Variants in MGAT1 observed in about 807,000 individuals in gnomAD.
MGAT1 encodes alpha-1,3-mannosyl-glycoprotein 2-beta-N-acetylglucosaminyltransferase.
Under a neutral mutation model 31.7 loss-of-function variants are expected in MGAT1, and 14 were observed. The observed-to-expected ratio is 0.44, with a 90% CI of 0.29 to 0.69. The LOEUF is 0.69. MGAT1 is among the 30% of genes least tolerant of loss of function. MGAT1 has a pLI of 0.12. For missense variants in MGAT1, 557 were observed against 626.0 expected (o/e 0.89, Z 1.18); for synonymous variants, 338 against 276.0 (o/e 1.22, Z -2.23).
chr5:180,791,698 C>T lies in MGAT1; in HGVS notation c.1274G>A (p.Arg425Gln), dbSNP rs766483898. 32 of 1,613,774 alleles carry T rather than the reference C, an allele frequency of 2.0e-5. No homozygotes were observed. The highest frequency in any genetic ancestry group is 1.8e-4 in the East Asian group (8 of 44,870). The change falls in exon 2 of 2, where the codon CGG (arginine) becomes CAG (glutamine). Residue 425 changes from arginine to glutamine, a missense_variant. Arg to Gln is a conservative substitution (Grantham distance 43, BLOSUM62 1). Transcript: ENST00000307826. ...GGGCGCCAGGTGGACACGGCGGCCC[C>T]GGAACTGGAAGGTGACAATACCCCG... ...GYRGIVTFQF[R>Q]GRRVHLAPPL...
At chr5:180,806,296 G>C (rs1275126089), upstream of MGAT1, among the ~76,000 whole-genome samples, 3 of 152,066 alleles carry the variant, frequency 2.0e-5, no homozygotes, top group African/African-American at 7.2e-5. Flanking sequence ...AAAAAAAAAT[G>C]CACACACAGT....
At position 180,792,357 on chromosome 5, in the gene MGAT1, G is replaced by A. The variant is rs1463856117; in HGVS notation, c.615C>T (p.Ala205=). The change falls in exon 2 of 2, where the codon GCC becomes GCT. Residue 205 remains alanine, a synonymous_variant. Transcript: ENST00000307826. Reference sequence around the variant, plus strand: ...CCTCCAGGTCATCCTCCACCACCACGGCCGCGGGGAAGCGAAACTGCCGGA... The same window carrying A: ...CCTCCAGGTCATCCTCCACCACCACAGCCGCGGGGAAGCGAAACTGCCGGA... The part of the protein sequence containing the change: ...QVFRQFRFPA[A]VVVEDDLEVA... 1.2e-6 allele frequency: 2 copies of A among 1,611,088 alleles called. No homozygotes were observed. Among genetic ancestry groups the A allele is most frequent in the South Asian group, 1.1e-5 (1 of 91,002 alleles).
rs915683356 is a variant in MGAT1, at chr5:180,788,700, T to C, written c.*2934A>G. 6.9e-6 allele frequency: 1 copy of C among 145,368 alleles called. No individual in the cohort carries two copies. Among genetic ancestry groups the C allele is most frequent in the Non-Finnish European group, 1.5e-5 (1 of 65,984 alleles). 9.0% of individuals were successfully genotyped at this position (145,368 alleles called of 1,614,324 possible). A position where few individuals can be genotyped will look rare whatever the true frequency, so the allele number is the denominator to read the frequency against. On this transcript the variant is annotated 3_prime_UTR_variant, in exon 2 of 2. Transcript: ENST00000307826. ...TACTTATCCTGGAGCACTAAGTAAG[T>C]TGGTACTTATCCTGGAGCACTAAGT...
rs1767980238 is a variant in MGAT1, at chr5:180,791,002, A to C, written c.*632T>G. Reference sequence around the variant, plus strand: ...TGACAGCTGGGCATGGGCTGAGGAGAGGTCTTGCTTGCCCCCTTCAACTTT... The same window carrying C: ...TGACAGCTGGGCATGGGCTGAGGAGCGGTCTTGCTTGCCCCCTTCAACTTT... On this transcript the variant is annotated 3_prime_UTR_variant, in exon 2 of 2. Transcript: ENST00000307826. 1 of 152,508 alleles carries C rather than the reference A, an allele frequency of 6.6e-6. No homozygotes were observed. The highest frequency in any genetic ancestry group is 2.4e-5 in the African/African-American group (1 of 41,390). The allele number at this position is 152,508 out of a possible 1,614,324, so 9.4% of individuals were successfully genotyped here.
intron 1 of MGAT1, among the ~76,000 whole-genome samples, chr5:180,812,775 T>A (rs1218823396): frequency 6.6e-6 from 1 of 152,240 alleles, no homozygotes; most frequent in Non-Finnish European, 1.5e-5. Flanking sequence ...ACAATTTAAT[T>A]TCAGTTGCTT....
chr5:180,786,022 A>G lies in MGAT1; in HGVS notation c.*5612T>C, dbSNP rs1767543939. 6.6e-6 allele frequency: 1 copy of G among 152,278 alleles called. No homozygotes were observed. The highest frequency in any genetic ancestry group is 2.4e-5 in the African/African-American group (1 of 41,472). The allele number at this position is 152,278 out of a possible 1,614,324, so 9.4% of individuals were successfully genotyped here. A position where few individuals can be genotyped will look rare whatever the true frequency, so the allele number is the denominator to read the frequency against. Reference sequence around the variant, plus strand: ...TGTCTGCCCACTGCTTTTGTTCCATAAAGAATGAGGCTTGCCCTCCCTTCC... The same window carrying G: ...TGTCTGCCCACTGCTTTTGTTCCATGAAGAATGAGGCTTGCCCTCCCTTCC... On this transcript the variant is annotated 3_prime_UTR_variant, in exon 2 of 2. Transcript: ENST00000307826.
At chr5:180,808,338 A>G (rs908293385) in intron 2 of MGAT1, among the ~76,000 whole-genome samples, 5 of 152,134 alleles carry the variant, frequency 3.3e-5, no homozygotes, top group African/African-American at 1.2e-4. Context: ...CTATTATCTC[A>G]GTGTTGGAAG....
chr5:180,806,488 G>A (rs1771895755), upstream of MGAT1, among the ~76,000 whole-genome samples: 1 of 152,184 alleles, frequency 6.6e-6, no homozygotes, highest in African/African-American at 2.4e-5. Context: ...CTCACTCTAA[G>A]GAGGAAACGT....
intron 1 of MGAT1, chr5:180,809,885 C>T (rs1772359041): frequency 6.6e-6 from 1 of 152,522 alleles, no homozygotes; most frequent in African/African-American, 2.4e-5. Flanking sequence ...TGACCTCCAC[C>T]CCCTCCAAGA....
chr5:180,806,497 G>A (rs566652998), upstream of MGAT1, among the ~76,000 whole-genome samples: 5 of 152,300 alleles, frequency 3.3e-5, no homozygotes, highest in Admixed American at 3.3e-4. Context: ...AGGAGGAAAC[G>A]TTCTACCAGA....
At chr5:180,800,798 G>T (rs1042154968) in intron 1 of MGAT1, among the ~76,000 whole-genome samples, 5 of 152,208 alleles carry the variant, frequency 3.3e-5, no homozygotes, top group Non-Finnish European at 7.3e-5. Context: ...TACGGGTGAG[G>T]CCCTTGAGGG....
Position 180,792,327 on chromosome 5 carries a change from G to A in MGAT1, c.645C>T (p.Ala215=). The A allele has an allele frequency of 1.2e-6, 2 of 1,610,978 alleles. No individual in the cohort carries two copies. Among genetic ancestry groups the A allele is most frequent in the South Asian group, 1.1e-5 (1 of 91,010 alleles). Reference sequence around the variant, plus strand: ...CCCGAAAGTACTCGAAGAAGTCCGGGGCCACCTCCAGGTCATCCTCCACCA... The same window carrying A: ...CCCGAAAGTACTCGAAGAAGTCCGGAGCCACCTCCAGGTCATCCTCCACCA... ...AVVVEDDLEV[A]PDFFEYFRAT... Residue 215 remains alanine (A), a synonymous_variant, in exon 2 of 2, where the codon GCC becomes GCT. Coordinates refer to ENST00000307826, the MANE Select transcript of MGAT1 (RefSeq NM_002406.4).
intron 1 of MGAT1, chr5:180,810,291 C>T (rs1772418783): frequency 6.6e-6 from 1 of 152,358 alleles, no homozygotes; most frequent in African/African-American, 2.4e-5. Flanking sequence ...CCCAGCCCGT[C>T]ACCACCGCCA....
rs1768586808 is a variant in MGAT1, at chr5:180,793,052, T to C, written c.-81A>G. 6.6e-6 allele frequency: 10 copies of C among 1,515,758 alleles called. No individual in the cohort carries two copies. Among genetic ancestry groups the C allele is most frequent in the Middle Eastern group, 2.3e-4 (1 of 4,378 alleles). The allele number at this position is 1,515,758 out of a possible 1,614,324, so 93.9% of individuals were successfully genotyped here. On this transcript the variant is annotated 5_prime_UTR_variant, in exon 2 of 2. Coordinates refer to ENST00000307826, the MANE Select transcript of MGAT1 (RefSeq NM_002406.4). Reference sequence around the variant, plus strand: ...TGCCCGGCTCCCTTGCCCGCAGTCCTAGGGATGCCTCCTCTGGACTATGGG... The same window carrying C: ...TGCCCGGCTCCCTTGCCCGCAGTCCCAGGGATGCCTCCTCTGGACTATGGG...
In MGAT1 at chr5:180,791,769, C is replaced by A. The variant is rs370874231; in HGVS notation, c.1203G>T (p.Leu401=). ...RDSFKAFAKA[L]GVMDDLKSGV... ...CCGACTTAAGGTCATCCATGACACC[C>A]AGAGCCTTGGCGAAAGCCTTGAAGC... Residue 401 remains leucine (L), a synonymous_variant, in exon 2 of 2, where the codon CTG becomes CTT. Transcript: ENST00000307826. 7 of 1,614,080 alleles carry A rather than the reference C, an allele frequency of 4.3e-6. No individual in the cohort carries two copies. Among genetic ancestry groups the A allele is most frequent in the African/African-American group, 1.3e-5 (1 of 75,042 alleles).
chr5:180,814,520 C>G (rs1376788609), intron 1 of MGAT1, among the ~76,000 whole-genome samples: 1 of 152,230 alleles, frequency 6.6e-6, no homozygotes, highest in Non-Finnish European at 1.5e-5. Flanking sequence ...CCCTAGGGCT[C>G]TTTCCTGGGC....
chr5:180,785,896 C>T lies in MGAT1; in HGVS notation c.*5738G>A, dbSNP rs371483641. ...TCCTCTTCTTACAGCTGTGCTGAGA[C>T]GTTTTTGGCTGGGGCAGGGCTGCTG... On this transcript the variant is annotated 3_prime_UTR_variant, in exon 2 of 2. Coordinates refer to ENST00000307826, the MANE Select transcript of MGAT1 (RefSeq NM_002406.4). 1.3e-5 allele frequency: 2 copies of T among 152,332 alleles called. No individual in the cohort carries two copies. The highest frequency in any genetic ancestry group is 2.1e-4 in the South Asian group (1 of 4,838). 9.4% of individuals were successfully genotyped at this position (152,332 alleles called of 1,614,324 possible).
upstream of MGAT1, chr5:180,803,413 G>A (rs1771339080): frequency 6.6e-6 from 1 of 152,468 alleles, no homozygotes; most frequent in Non-Finnish European, 1.5e-5. Flanking sequence ...TACCAGCAGG[G>A]GAGGCCCACC....
exon 2 of MGAT1, chr5:180,808,727 C>G (rs1247595499): frequency 6.6e-6 from 1 of 152,216 alleles, no homozygotes; most frequent in Admixed American, 6.5e-5. Flanking sequence ...CTGAGAATCC[C>G]AAATCAGATC....
Sources: allele counts gnomAD v4.1 joint callset (sites outside exome capture counted in the v4.1 genomes callset), GRCh38; gene constraint gnomAD v4.1.1; transcripts MANE v1.5; gene names NCBI Gene and HGNC (gene_info 2026-07-23, HGNC 2026-07-21).